Variants in PAK5 observed in about 807,000 individuals in gnomAD.
PAK5 encodes p21 (RAC1) activated kinase 5, also known as serine/threonine-protein kinase PAK 5.
A neutral mutation model predicts 65.9 loss-of-function variants in PAK5; 16 were observed. The ratio of observed to expected loss-of-function variants is 0.24; its 90% confidence interval spans 0.16 to 0.37. The LOEUF (loss-of-function observed/expected upper bound fraction) is 0.37, where lower values mean the gene tolerates loss of function less well. Among genes scored for constraint, PAK5 ranks in the 10% least tolerant of loss-of-function variants. The probability of loss-of-function intolerance (pLI) is 1.00; values close to 1 mark genes in which losing one functional copy is unlikely to be tolerated. For missense variants in PAK5, 785 were observed against 903.9 expected, an observed-to-expected ratio of 0.87 and a Z score of 1.69; for synonymous variants, 371 against 354.9, an observed-to-expected ratio of 1.05 and a Z score of -0.51.
chr20:9,797,248 T>TC (rs1213172144), intron 1 of PAK5, among the ~76,000 whole-genome samples: 2 of 152,058 alleles, frequency 1.3e-5, no homozygotes, highest in Non-Finnish European at 2.9e-5. Flanking sequence ...TTTGTTTTTT[T>TC]CTTGTAAATT....
intron 1 of PAK5, among the ~76,000 whole-genome samples, chr20:9,738,766 T>C (rs781757739): frequency 2.4e-4 from 37 of 152,284 alleles, no homozygotes; most frequent in Non-Finnish European, 4.9e-4. Flanking sequence ...GACTTCATGG[T>C]TGTATACATA....
At chr20:9,720,957 TGAG>T (rs2048206286) in intron 1 of PAK5, among the ~76,000 whole-genome samples, 1 of 151,370 alleles carries the variant, frequency 6.6e-6, no homozygotes, top group African/African-American at 2.4e-5. Flanking sequence ...AACAGGAAAA[TGAG>T]GAGTAACTGC....
intron 3 of PAK5, among the ~76,000 whole-genome samples, chr20:9,602,386 G>A (rs1174916511): frequency 1.3e-5 from 2 of 152,152 alleles, no homozygotes; most frequent in Non-Finnish European, 2.9e-5. Flanking sequence ...TGCTCCTAAT[G>A]TTGCTACCAT....
chr20:9,573,030 G>A (rs1215279390), intron 4 of PAK5, among the ~76,000 whole-genome samples: 2 of 151,880 alleles, frequency 1.3e-5, no homozygotes, highest in East Asian at 3.9e-4. Context: ...TTTTAAGAAG[G>A]AATTCTCTCT....
rs1569045372 is a variant in PAK5 at position 9,696,782 on chromosome 20, A to AT, written c.-12+14503dup. ...GTAAAGAAGTACTTGAAGAGTTTTT[A>AT]TTTTTTTAATTTTCATTTTTGTGGA... On this transcript the variant is annotated intron_variant, in intron 2 of 9. Coordinates refer to ENST00000353224, the MANE Select transcript of PAK5 (RefSeq NM_177990.4). Among the ~76,000 whole-genome samples, 3 of 152,160 alleles carry AT rather than the reference A, an allele frequency of 2.0e-5. No individual in the cohort carries two copies. The South Asian group carries it at 6.2e-4, about 32-fold the overall frequency.
At chr20:9,639,176 C>A (rs913891004) in intron 3 of PAK5, among the ~76,000 whole-genome samples, 1 of 152,040 alleles carries the variant, frequency 6.6e-6, no homozygotes, top group Non-Finnish European at 1.5e-5. Flanking sequence ...TAAGATTTTT[C>A]CAGAGAAGCC....
At chr20:9,819,449 T>C (rs1167514605) in intron 1 of PAK5, among the ~76,000 whole-genome samples, 1 of 152,186 alleles carries the variant, frequency 6.6e-6, no homozygotes, top group Admixed American at 6.5e-5. Flanking sequence ...ATCAGTCCAG[T>C]AAATTAGGGC....
chr20:9,557,757 G>C, intron 6 of PAK5, 23 bp from the exon 7 acceptor site: 2 of 1,603,436 alleles, frequency 1.2e-6, no homozygotes, highest in Non-Finnish European at 1.7e-6. Flanking sequence ...TAACATTTAA[G>C]GAACAAGACA....
intron 1 of PAK5, among the ~76,000 whole-genome samples, chr20:9,761,558 A>G (rs1346265045): frequency 6.6e-6 from 1 of 152,158 alleles, no homozygotes; most frequent in African/African-American, 2.4e-5. Flanking sequence ...TAAAATTCAT[A>G]TGAAACCACA....
chr20:9,542,317 C>G (rs377149072), intron 9 of PAK5, among the ~76,000 whole-genome samples: 2 of 152,280 alleles, frequency 1.3e-5, no homozygotes, highest in African/African-American at 2.4e-5. Flanking sequence ...GCATAGAGCA[C>G]CTGATTTACT....
At chr20:9,709,889 C>A (rs991829901) in intron 2 of PAK5, among the ~76,000 whole-genome samples, 1 of 152,180 alleles carries the variant, frequency 6.6e-6, no homozygotes, top group African/African-American at 2.4e-5. Flanking sequence ...CTTTTCCTCT[C>A]TTCCCTACCC....
chr20:9,610,766 A>G (rs1445348284), intron 3 of PAK5, among the ~76,000 whole-genome samples: 1 of 152,034 alleles, frequency 6.6e-6, no homozygotes, highest in African/African-American at 2.4e-5. Flanking sequence ...ATTTGAATGT[A>G]TGTGTCCCTC....
chr20:9,774,977 C>CA (rs1325843770), intron 1 of PAK5, among the ~76,000 whole-genome samples: 1 of 151,858 alleles, frequency 6.6e-6, no homozygotes, highest in Non-Finnish European at 1.5e-5. Context: ...AACGAACAAA[C>CA]AAAAAACTAC....
chr20:9,827,012 A>G (rs1978333578), intron 1 of PAK5, among the ~76,000 whole-genome samples: 1 of 151,228 alleles, frequency 6.6e-6, no homozygotes. Flanking sequence ...ATGTGTTTAG[A>G]ATCTCTACCT....
intron 1 of PAK5, among the ~76,000 whole-genome samples, chr20:9,750,772 TG>T (rs2048567080): frequency 6.6e-6 from 1 of 152,132 alleles, no homozygotes; most frequent in African/African-American, 2.4e-5. Flanking sequence ...TTAAGGGCCA[TG>T]ATCGCTTACA....
chr20:9,756,457 C>G (rs1223264923), intron 1 of PAK5, among the ~76,000 whole-genome samples: 1 of 152,084 alleles, frequency 6.6e-6, no homozygotes. Flanking sequence ...CTGTTTGATA[C>G]AGTAGCCACA....
intron 1 of PAK5, among the ~76,000 whole-genome samples, chr20:9,753,797 C>A (rs184694665): frequency 6.6e-6 from 1 of 152,204 alleles, no homozygotes; most frequent in East Asian, 1.9e-4. Context: ...GGAGGAAGAC[C>A]AGAGAGACAA....
intron 2 of PAK5, among the ~76,000 whole-genome samples, chr20:9,697,479 C>A (rs2047884420): frequency 6.6e-6 from 1 of 152,048 alleles, no homozygotes; most frequent in African/African-American, 2.4e-5. Context: ...AGACTTTGGC[C>A]CTCTCAGAGA....
At chr20:9,641,289 T>A (rs1388634129) in intron 3 of PAK5, among the ~76,000 whole-genome samples, 1 of 148,932 alleles carries the variant, frequency 6.7e-6, no homozygotes, top group Non-Finnish European at 1.5e-5. Flanking sequence ...AGAGTGCCGA[T>A]TGGTGTATTT....
Sources: gnomAD v4.1 joint callset for allele counts (sites outside exome capture counted in the v4.1 genomes callset) on GRCh38, gnomAD v4.1.1 for gene constraint, MANE v1.5 for transcripts, NCBI Gene and HGNC (gene_info 2026-07-23, HGNC 2026-07-21) for gene names.